CREB3L2: variants seen among roughly 807,000 people sequenced by gnomAD.
CREB3L2 encodes cyclic AMP-responsive element-binding protein 3-like protein 2.
Under a neutral mutation model 57.2 loss-of-function variants are expected in CREB3L2, and 23 were observed. The observed-to-expected ratio is 0.40, with a 90% CI of 0.29 to 0.57. The LOEUF is 0.57. Ranked by LOEUF, CREB3L2 falls within the 20% of genes least tolerant of loss-of-function variation. The pLI, the probability that CREB3L2 is intolerant of heterozygous loss-of-function variation, is 0.42. For missense variants in CREB3L2, 628 were observed against 634.7 expected (o/e 0.99, Z 0.11); for synonymous variants, 268 against 265.1 (o/e 1.01, Z -0.11).
At chr7:137,911,041 C>A (rs1799993986) in intron 4 of CREB3L2, among the ~76,000 whole-genome samples, 1 of 152,142 alleles carries the variant, frequency 6.6e-6, no homozygotes, top group African/African-American at 2.4e-5. Flanking sequence ...CTATGGGATT[C>A]ATTGTTATGG....
intron 2 of CREB3L2, among the ~76,000 whole-genome samples, chr7:137,922,418 ATATATATATATATATATACG>A (rs1563253301): frequency 6.4e-4 from 24 of 37,698 alleles, no homozygotes; most frequent in Non-Finnish European, 8.5e-4. Context: ...ATATATATGT[ATATATATATATATATATACG>A]TATATATATA....
intron 7 of CREB3L2, among the ~76,000 whole-genome samples, chr7:137,903,397 C>T (rs1400572168): frequency 6.6e-6 from 1 of 151,540 alleles, no homozygotes; most frequent in Non-Finnish European, 1.5e-5. Context: ...AGGGCTAAGA[C>T]AAAACTGTAT....
At chr7:137,895,032 T>C (rs1427345907) in intron 8 of CREB3L2, among the ~76,000 whole-genome samples, 3 of 152,240 alleles carry the variant, frequency 2.0e-5, no homozygotes, top group Non-Finnish European at 4.4e-5. Flanking sequence ...TAAGCTCCTA[T>C]GATTCTACAA....
chr7:137,911,535 T>C (rs1271179365), intron 4 of CREB3L2, among the ~76,000 whole-genome samples: 1 of 152,234 alleles, frequency 6.6e-6, no homozygotes, highest in Non-Finnish European at 1.5e-5. Flanking sequence ...ACTTTGAAAT[T>C]TGTACTGAAA....
At chr7:137,927,814 C>A (rs1322753576) in intron 2 of CREB3L2, among the ~76,000 whole-genome samples, 1 of 151,820 alleles carries the variant, frequency 6.6e-6, no homozygotes, top group Admixed American at 6.6e-5. Context: ...GGCATGACCC[C>A]TTGAAACAAG....
intron 2 of CREB3L2, among the ~76,000 whole-genome samples, chr7:137,916,787 T>C (rs911735403): frequency 6.8e-6 from 1 of 147,788 alleles, no homozygotes; most frequent in African/African-American, 2.5e-5. Context: ...AGAGTGAGAG[T>C]GAGAGCGAGA....
intron 1 of CREB3L2, among the ~76,000 whole-genome samples, chr7:137,944,436 G>A (rs940621981): frequency 6.6e-6 from 1 of 152,200 alleles, no homozygotes; most frequent in African/African-American, 2.4e-5. Flanking sequence ...TGTAGCCTTG[G>A]GAACCGACCA....
rs1264084850 is a variant in CREB3L2 at position 137,901,448 on chromosome 7, A to G, written c.975-26T>C. On this transcript the variant is annotated intron_variant, in intron 7 of 11. Coordinates refer to ENST00000330387, the MANE Select transcript of CREB3L2 (RefSeq NM_194071.4). ...CTACAAAGGAGGGAGAAAGAAGAAA[A>G]TTATTATCCATAGAGCAAACACTAA... 4.7e-6 allele frequency: 7 copies of G among 1,475,498 alleles called. No individual in the cohort carries two copies. In the African/African-American group the frequency reaches 5.6e-5, roughly 12 times the overall value. The allele number at this position is 1,475,498 out of a possible 1,614,324, so 91.4% of individuals were successfully genotyped here.
At chr7:137,935,015 C>A (rs1263827789) in intron 1 of CREB3L2, among the ~76,000 whole-genome samples, 1 of 152,228 alleles carries the variant, frequency 6.6e-6, no homozygotes, top group East Asian at 1.9e-4. Context: ...AAACACAACA[C>A]CTTCATTGCA....
At chr7:137,968,153 C>T (rs535426941) in intron 1 of CREB3L2, among the ~76,000 whole-genome samples, 9 of 151,964 alleles carry the variant, frequency 5.9e-5, no homozygotes, top group Non-Finnish European at 1.2e-4. Flanking sequence ...TTGGCACACC[C>T]CATCCCTTCC....
At chr7:137,889,928 C>T (rs1274352454) in intron 8 of CREB3L2, among the ~76,000 whole-genome samples, 3 of 152,144 alleles carry the variant, frequency 2.0e-5, no homozygotes, top group Admixed American at 6.5e-5. Flanking sequence ...AAGATGTAAA[C>T]CAAAACCTAT....
At chr7:137,973,409 C>G (rs1801552743) in intron 1 of CREB3L2, among the ~76,000 whole-genome samples, 2 of 151,904 alleles carry the variant, frequency 1.3e-5, no homozygotes, top group South Asian at 4.1e-4. Context: ...CAGACAGCGG[C>G]CCACCGGCGC....
intron 1 of CREB3L2, among the ~76,000 whole-genome samples, chr7:137,989,495 C>G (rs1801850847): frequency 6.8e-6 from 1 of 146,036 alleles, no homozygotes; most frequent in Non-Finnish European, 1.5e-5. Flanking sequence ...TCTCCCTGGC[C>G]AATCCTTCTG....
chr7:137,922,199 T>C (rs1175652399), intron 2 of CREB3L2, among the ~76,000 whole-genome samples: 1 of 151,334 alleles, frequency 6.6e-6, no homozygotes, highest in East Asian at 1.9e-4. Context: ...CTCTTTTCCA[T>C]TCAGCCACTT....
At chr7:137,884,928 A>T (rs761102338) in intron 10 of CREB3L2, 67 bp downstream of exon 10, 6 of 1,588,888 alleles carry the variant, frequency 3.8e-6, no homozygotes, top group Admixed American at 1.7e-5. Context: ...TCCTTTTGGA[A>T]GACTGAGAAA....
chr7:137,936,027 G>A (rs1317578976), intron 1 of CREB3L2: 5 of 637,638 alleles, frequency 7.8e-6, no homozygotes, highest in Non-Finnish European at 7.8e-6. Context: ...GGAACAAAGT[G>A]GGAGGAAAAG....
intron 1 of CREB3L2, among the ~76,000 whole-genome samples, chr7:137,974,163 C>T (rs1375876779): frequency 6.6e-6 from 1 of 152,098 alleles, no homozygotes; most frequent in East Asian, 1.9e-4. Flanking sequence ...GAGCTGGGTA[C>T]TGAGGTACAA....
At chr7:137,913,937 T>G (rs1260956865) in intron 3 of CREB3L2, among the ~76,000 whole-genome samples, 2 of 152,100 alleles carry the variant, frequency 1.3e-5, no homozygotes, top group Non-Finnish European at 2.9e-5. Context: ...CTTATCCCAG[T>G]TCAGCCTCAC....
chr7:137,914,516 C>T (rs1051009829), intron 3 of CREB3L2, among the ~76,000 whole-genome samples: 21 of 152,260 alleles, frequency 1.4e-4, no homozygotes, highest in Middle Eastern at 3.4e-3. Flanking sequence ...CCTGTAATCC[C>T]AGCTACCTGG....
Sources: gnomAD v4.1 joint callset for allele counts (sites outside exome capture counted in the v4.1 genomes callset) on GRCh38, gnomAD v4.1.1 for gene constraint, MANE v1.5 for transcripts, NCBI Gene and HGNC (gene_info 2026-07-23, HGNC 2026-07-21) for gene names.